The following CNRIP1 variants were observed in gnomAD, a reference collection of about 807,000 sequenced individuals.
CNRIP1 encodes the protein CB1 cannabinoid receptor-interacting protein 1.
In CNRIP1, 10 loss-of-function variants were observed where a neutral mutation model predicts 15.2. That is an observed-to-expected ratio of 0.66 (90% CI 0.41 to 1.12). The LOEUF (loss-of-function observed/expected upper bound fraction) is 1.12. Among genes scored for constraint, CNRIP1 ranks in the 50% most tolerant of loss-of-function variants. CNRIP1 has a pLI of 0.00. For missense variants in CNRIP1, 211 were observed against 214.7 expected (o/e 0.98, Z 0.11); for synonymous variants, 91 against 83.2 (o/e 1.09, Z -0.51).
chr2:68,314,768 A>C lies in CNRIP1; in HGVS notation c.330+2389T>G, dbSNP rs534362175. 4.6e-5 allele frequency among the ~76,000 whole-genome samples: 7 copies of C among 152,216 alleles called. No homozygotes were observed. In the East Asian group the frequency reaches 1.3e-3, roughly 29 times the overall value. The stretch of plus-strand genomic sequence containing the variant: ...GAGATAAAATTTTTGCAATATAAGA[A>C]ATTTCTATGAAACTGACCTTTGGAG... On this transcript the variant is annotated intron_variant, in intron 2 of 2. Coordinates refer to ENST00000263655, the MANE Select transcript of CNRIP1 (RefSeq NM_015463.3).
At chr2:68,297,567 C>CAAAAAAAAAAAAAAAAAAAAAAAAAAA (rs112601365) in intron 2 of CNRIP1, among the ~76,000 whole-genome samples, 2 of 98,868 alleles carry the variant, frequency 2.0e-5, no homozygotes, top group Non-Finnish European at 4.3e-5. Context: ...GACACTGTCT[C>CAAAAAAAAAAAAAAAAAAAAAAAAAAA]AAAAAAAAAA....
rs573107294 is a variant in CNRIP1, at chr2:68,311,417, T to A, written c.330+5740A>T. Among the ~76,000 whole-genome samples the A allele has an allele frequency of 3.3e-5, 5 of 151,776 alleles. No individual in the cohort carries two copies. The South Asian group carries it at 8.3e-4, about 25-fold the overall frequency. On this transcript the variant is annotated intron_variant, in intron 2 of 2. Transcript: ENST00000263655. ...AAAGCTAGGATTTTGAAAAGGCCAA[T>A]AAAACTGAAATCTCTAGCTAGACTA...
intron 2 of CNRIP1, among the ~76,000 whole-genome samples, chr2:68,286,765 A>G (rs1382081877): frequency 6.6e-6 from 1 of 152,186 alleles, no homozygotes; most frequent in Non-Finnish European, 1.5e-5. Flanking sequence ...GATGAGGGTA[A>G]GCGTGTTGAA....
intron 2 of CNRIP1, 199 bp downstream of exon 2, chr2:68,316,958 C>T (rs921964862): frequency 4.4e-6 from 3 of 684,016 alleles, no homozygotes; most frequent in South Asian, 3.4e-5. Flanking sequence ...TCAGCATCTA[C>T]AGGGTCAGTC....
chr2:68,299,244 T>TC (rs1338714242), intron 2 of CNRIP1, among the ~76,000 whole-genome samples: 2 of 152,154 alleles, frequency 1.3e-5, no homozygotes, highest in Non-Finnish European at 2.9e-5. Flanking sequence ...AGTTTTTTTT[T>TC]CTCCCTGAAT....
chr2:68,304,019 G>C (rs1671713997), intron 2 of CNRIP1, among the ~76,000 whole-genome samples: 1 of 152,114 alleles, frequency 6.6e-6, no homozygotes, highest in African/African-American at 2.4e-5. Flanking sequence ...AGAGGCTGCA[G>C]TGAGCCAAGA....
At chr2:68,285,201 G>T (rs982613411) in intron 2 of CNRIP1, among the ~76,000 whole-genome samples, 1 of 151,970 alleles carries the variant, frequency 6.6e-6, no homozygotes, top group African/African-American at 2.4e-5. Context: ...TCCCCTCTGC[G>T]CTGTCTCATT....
exon 3 of CNRIP1, chr2:68,284,467 T>G: frequency 6.5e-7 from 1 of 1,541,448 alleles, no homozygotes; most frequent in Non-Finnish European, 8.8e-7. Flanking sequence ...TCTCTTGGGG[T>G]CGTTGTTCCA....
Position 68,293,623 on chromosome 2 carries a change from C to T in CNRIP1, c.*239G>A. ...AAGTATGACCGAGAACAACTGGATGCAGGAACATCAGCACAAAATACAGAT... is the reference window on the plus strand; with the variant it reads ...AAGTATGACCGAGAACAACTGGATGTAGGAACATCAGCACAAAATACAGAT... On this transcript the variant is annotated 3_prime_UTR_variant, in exon 3 of 3. Coordinates refer to ENST00000263655, the MANE Select transcript of CNRIP1 (RefSeq NM_015463.3). 8.4e-7 allele frequency: 1 copy of T among 1,186,070 alleles called. No individual in the cohort carries two copies. Among genetic ancestry groups the T allele is most frequent in the South Asian group, 3.0e-5 (1 of 33,208 alleles). The allele number at this position is 1,186,070 out of a possible 1,614,324, so 73.5% of individuals were successfully genotyped here.
chr2:68,315,600 CATAT>C, intron 2 of CNRIP1, among the ~76,000 whole-genome samples: 1 of 151,540 alleles, frequency 6.6e-6, no homozygotes, highest in African/African-American at 2.4e-5. Context: ...AATGACATTC[CATAT>C]ATATATATGG....
At chr2:68,315,277 T>C (rs1437875588) in intron 2 of CNRIP1, among the ~76,000 whole-genome samples, 1 of 152,082 alleles carries the variant, frequency 6.6e-6, no homozygotes, top group African/African-American at 2.4e-5. Flanking sequence ...AAGTAAAAAT[T>C]GAAGTATTTC....
In CNRIP1 at chr2:68,305,312, G is replaced by GTA. The variant is rs1553415436; in HGVS notation, c.331-11288_331-11287dup. ...TGTGTGTGTGTGTGTGTGTGTGTGT[G>GTA]TACATATAAAACATATATAATATAT... On this transcript the variant is annotated intron_variant, in intron 2 of 2. Transcript: ENST00000263655. Among the ~76,000 whole-genome samples, 101 of 129,062 alleles carry GTA rather than the reference G, an allele frequency of 7.8e-4. 3 individuals carry two copies. The highest frequency in any genetic ancestry group is 2.9e-3 in the African/African-American group (99 of 33,916). 84.7% of individuals were successfully genotyped at this position (129,062 alleles called of 152,430 possible). A position where few individuals can be genotyped will look rare whatever the true frequency, so the allele number is the denominator to read the frequency against.
intron 2 of CNRIP1, among the ~76,000 whole-genome samples, chr2:68,295,908 A>G (rs974356565): frequency 6.6e-6 from 1 of 152,248 alleles, no homozygotes; most frequent in Non-Finnish European, 1.5e-5. Flanking sequence ...CCTCAAAGTT[A>G]AGAAAAATAG....
At chr2:68,307,814 G>A (rs556865063) in intron 2 of CNRIP1, among the ~76,000 whole-genome samples, 1 of 152,302 alleles carries the variant, frequency 6.6e-6, no homozygotes, top group South Asian at 2.1e-4. Context: ...CTCTATGGCT[G>A]TTCCCACATA....
chr2:68,304,519 G>T (rs1471935298), intron 2 of CNRIP1, among the ~76,000 whole-genome samples: 1 of 152,102 alleles, frequency 6.6e-6, no homozygotes, highest in African/African-American at 2.4e-5. Flanking sequence ...TAAAGGCTAG[G>T]TTTCTATATG....
intron 2 of CNRIP1, among the ~76,000 whole-genome samples, chr2:68,312,781 G>C (rs540278595): frequency 2.0e-5 from 3 of 151,922 alleles, no homozygotes; most frequent in African/African-American, 7.3e-5. Flanking sequence ...AAAAAAAATC[G>C]ATTTTATTTC....
intron 2 of CNRIP1, among the ~76,000 whole-genome samples, chr2:68,304,651 C>G (rs1288343856): frequency 6.8e-6 from 1 of 146,710 alleles, no homozygotes; most frequent in East Asian, 2.0e-4. Flanking sequence ...GAGACAGAGT[C>G]TCGCTCTGTC....
At chr2:68,310,845 A>C (rs964235897) in intron 2 of CNRIP1, among the ~76,000 whole-genome samples, 1 of 152,206 alleles carries the variant, frequency 6.6e-6, no homozygotes, top group African/African-American at 2.4e-5. Flanking sequence ...ATTAGCCAAC[A>C]TAAGGAATCT....
chr2:68,319,478 G>A lies in CNRIP1; in HGVS notation c.-78C>T. On this transcript the variant is annotated 5_prime_UTR_variant, in exon 1 of 3. Coordinates refer to ENST00000263655, the MANE Select transcript of CNRIP1 (RefSeq NM_015463.3). ...CTGCGGCCGAGTGGCTGGAGCGCGAGGGGCGGAGAGGAAGCGCGGGGAGGG... is the reference window on the plus strand; with the variant it reads ...CTGCGGCCGAGTGGCTGGAGCGCGAAGGGCGGAGAGGAAGCGCGGGGAGGG... 7.2e-7 allele frequency: 1 copy of A among 1,380,164 alleles called. No homozygotes were observed. The highest frequency in any genetic ancestry group is 2.7e-4 in the Middle Eastern group (1 of 3,734). 85.5% of individuals were successfully genotyped at this position (1,380,164 alleles called of 1,614,324 possible). A position where few individuals can be genotyped will look rare whatever the true frequency, so the allele number is the denominator to read the frequency against.
Sources: allele counts gnomAD v4.1 joint callset (sites outside exome capture counted in the v4.1 genomes callset), GRCh38; gene constraint gnomAD v4.1.1; transcripts MANE v1.5; gene names NCBI Gene and HGNC (gene_info 2026-07-23, HGNC 2026-07-21).